CENPM: variants seen among roughly 807,000 people sequenced by gnomAD.
CENPM encodes interphase centromere complex protein 39.
In CENPM, 14 loss-of-function variants were observed where a neutral mutation model predicts 19.6. The observed-to-expected ratio is 0.71, with a 90% CI of 0.47 to 1.11. The LOEUF (loss-of-function observed/expected upper bound fraction) is 1.11. CENPM is among the 50% of genes most tolerant of loss of function. The pLI is 0.00. For missense variants in CENPM, 239 were observed against 228.4 expected (o/e 1.05, Z -0.30); for synonymous variants, 114 against 101.5 (o/e 1.12, Z -0.74).
downstream of CENPM, chr22:41,938,721 T>C: frequency 4.2e-6 from 1 of 235,334 alleles, no homozygotes; most frequent in Non-Finnish European, 8.3e-6. Context: ...AAAGTCAAAG[T>C]GGTGAATGAG....
In CENPM at chr22:41,939,170, C is replaced by G. The variant is rs549021345; in HGVS notation, c.429G>C (p.Ala143=). ...TCTGCAGCACGCGCACCAGGCGCTGCGCCATGGTGGCCCTAAAGCCTTCCA... is the reference window on the plus strand; with the variant it reads ...TCTGCAGCACGCGCACCAGGCGCTGGGCCATGGTGGCCCTAAAGCCTTCCA... ...LEVEGFRATM[A]QRLVRVLQIC... is the part of the protein sequence containing the mutation. Residue 143 remains alanine, a synonymous_variant, in exon 6 of 6, where the codon GCG becomes GCC. Transcript: ENST00000215980. 2.5e-6 allele frequency: 4 copies of G among 1,611,962 alleles called. No individual in the cohort carries two copies. The highest frequency in any genetic ancestry group is 1.7e-5 in the Admixed American group (1 of 59,858).
rs774010865 is a variant in CENPM at position 41,947,099 on chromosome 22, G to A, written c.-23C>T. The A allele has an allele frequency of 1.2e-6, 2 of 1,611,780 alleles. No individual in the cohort carries two copies. The highest frequency in any genetic ancestry group is 8.5e-7 in the Non-Finnish European group (1 of 1,179,108). On this transcript the variant is annotated 5_prime_UTR_variant, in exon 1 of 6. Transcript: ENST00000215980. ...CATCACAGCCGCAGGACCAACCGTT[G>A]CTCCTGCGGTGCGCGCCGATCTTTC... is the stretch of plus-strand genomic sequence containing the variant.
chr22:41,937,223 C>G (rs1054449355), downstream of CENPM, among the ~76,000 whole-genome samples: 1 of 152,240 alleles, frequency 6.6e-6, no homozygotes, highest in African/African-American at 2.4e-5. Context: ...AGACCTCCAG[C>G]CAGCTTTTCT....
the CENPM span, among the ~76,000 whole-genome samples, chr22:41,929,782 T>A: frequency 6.7e-6 from 1 of 149,232 alleles, no homozygotes; most frequent in Non-Finnish European, 1.5e-5. Flanking sequence ...CACATGAACC[T>A]TTCCACTTGG....
intron 3 of CENPM, 29 bp from the exon 4 acceptor site, chr22:41,945,333 C>A (rs1308137393): frequency 6.2e-7 from 1 of 1,613,578 alleles, no homozygotes; most frequent in Non-Finnish European, 8.5e-7. Context: ...GGTGAGAAAA[C>A]AAACCAGAGA....
chr22:41,939,878 A>G (rs868082510), intron 5 of CENPM, among the ~76,000 whole-genome samples: 16 of 73,002 alleles, frequency 2.2e-4, no homozygotes, highest in East Asian at 1.1e-3. Context: ...GAAAGAAAGA[A>G]AAAGAAAGAA....
chr22:41,937,527 T>A (rs1302921076), downstream of CENPM, among the ~76,000 whole-genome samples: 1 of 152,170 alleles, frequency 6.6e-6, no homozygotes, highest in Non-Finnish European at 1.5e-5. Flanking sequence ...ACTCCTGAGC[T>A]CAGGCAATCC....
chr22:41,928,149 C>T, the CENPM span: 1 of 423,304 alleles, frequency 2.4e-6, no homozygotes, highest in Admixed American at 2.5e-5. This position sits in a 1 kb window ranked among gnomAD's most constrained non-coding sequence, Gnocchi z 4.0. Context: ...GGGCTTTGTG[C>T]AGGGAGGACC....
At chr22:41,941,592 A>G (rs1056934524) in intron 5 of CENPM, among the ~76,000 whole-genome samples, 1 of 152,226 alleles carries the variant, frequency 6.6e-6, no homozygotes, top group African/African-American at 2.4e-5. Context: ...AAAGTGACCT[A>G]TTCAAAGTCA....
At chr22:41,942,538 C>T (rs1389432822) in intron 5 of CENPM, among the ~76,000 whole-genome samples, 1 of 152,082 alleles carries the variant, frequency 6.6e-6, no homozygotes, top group African/African-American at 2.4e-5. Context: ...ATCACGAGGT[C>T]AGGAGATTGA....
At position 41,945,306 on chromosome 22, in the gene CENPM, T is replaced by TG; in HGVS notation, c.231-3dup. 1.2e-6 allele frequency: 2 copies of TG among 1,613,972 alleles called. No homozygotes were observed. Among genetic ancestry groups the TG allele is most frequent in the Non-Finnish European group, 1.7e-6 (2 of 1,180,004 alleles). ...AGGGACTCCTCTGTGTTCTGGAGAC[T>TG]GGGGTGGCCAGGCCAGGGTGAGAAA... On this transcript the variant is annotated splice_region_variant and splice_polypyrimidine_tract_variant and intron_variant, in intron 3 of 5. Coordinates refer to ENST00000215980, the MANE Select transcript of CENPM (RefSeq NM_024053.5).
the CENPM span, among the ~76,000 whole-genome samples, chr22:41,931,481 GA>G: frequency 1.6e-3 from 222 of 136,886 alleles, no homozygotes; most frequent in African/African-American, 4.2e-3. Flanking sequence ...CCCCATCTCA[GA>G]AAAAAAAAAA....
intron 4 of CENPM, among the ~76,000 whole-genome samples, chr22:41,944,349 T>C (rs1046774590): frequency 1.3e-5 from 2 of 150,674 alleles, no homozygotes; most frequent in Non-Finnish European, 2.9e-5. Context: ...GATGGGAGAA[T>C]TGCTTGAACC....
chr22:41,928,494 C>A, the CENPM span, among the ~76,000 whole-genome samples: 6 of 152,190 alleles, frequency 3.9e-5, no homozygotes, highest in Admixed American at 3.9e-4. This position sits in a 1 kb window ranked among gnomAD's most constrained non-coding sequence, Gnocchi z 4.0. Flanking sequence ...CACCCAGACC[C>A]CTAAGCACTC....
At chr22:41,939,826 G>GAA (rs377402034) in intron 5 of CENPM, among the ~76,000 whole-genome samples, 8 of 75,144 alleles carry the variant, frequency 1.1e-4, no homozygotes, top group African/African-American at 1.4e-4. Flanking sequence ...GAAAAAGAAA[G>GAA]AAAGAAAGAA....
In CENPM at chr22:41,938,860, T is replaced by A. The variant is rs2077697752; in HGVS notation, c.*196A>T. The A allele has an allele frequency of 1.7e-6, 1 of 594,434 alleles. No homozygotes were observed. The highest frequency in any genetic ancestry group is 3.1e-5 in the Admixed American group (1 of 31,912). The allele number at this position is 594,434 out of a possible 1,614,324, so 36.8% of individuals were successfully genotyped here. ...AGTGAGTGTGGGAGTGGGAGGGGGCTACAGTCTCGCCAGCTGGGCCCCCTC... is the reference window on the plus strand; with the variant it reads ...AGTGAGTGTGGGAGTGGGAGGGGGCAACAGTCTCGCCAGCTGGGCCCCCTC... On this transcript the variant is annotated 3_prime_UTR_variant, in exon 6 of 6. Coordinates refer to ENST00000215980, the MANE Select transcript of CENPM (RefSeq NM_024053.5).
chr22:41,946,244 C>T (rs1353493474), intron 2 of CENPM, 173 bp downstream of exon 2: 3 of 661,714 alleles, frequency 4.5e-6, no homozygotes, highest in Admixed American at 2.8e-5. Flanking sequence ...GTCACCACCT[C>T]GGCAAGGGGA....
Position 41,939,041 on chromosome 22 carries a change from A to T in CENPM, c.*15T>A. ...ACGAAGCCATGAGAAGGGGCAGCCCAGGGGCCAGCCACCCTCACAGGTCCT... is the reference window on the plus strand; with the variant it reads ...ACGAAGCCATGAGAAGGGGCAGCCCTGGGGCCAGCCACCCTCACAGGTCCT... On this transcript the variant is annotated 3_prime_UTR_variant, in exon 6 of 6. Coordinates refer to ENST00000215980, the MANE Select transcript of CENPM (RefSeq NM_024053.5). 6.2e-7 allele frequency: 1 copy of T among 1,612,470 alleles called. No homozygotes were observed. The highest frequency in any genetic ancestry group is 1.7e-4 in the Middle Eastern group (1 of 6,028).
chr22:41,937,379 T>C (rs557890496), downstream of CENPM, among the ~76,000 whole-genome samples: 31 of 152,260 alleles, frequency 2.0e-4, no homozygotes, highest in South Asian at 6.4e-3. Flanking sequence ...CACTGCAACC[T>C]CCGCCTCCTG....
Sources: allele counts gnomAD v4.1 joint callset (sites outside exome capture counted in the v4.1 genomes callset), GRCh38; gene constraint gnomAD v4.1.1; non-coding constraint Gnocchi (gnomAD v3.1); transcripts MANE v1.5; gene names NCBI Gene and HGNC (gene_info 2026-07-23, HGNC 2026-07-21).